The following FBXO40 variants were observed in gnomAD, a reference collection of about 807,000 sequenced individuals.
FBXO40 encodes the protein F-box only protein 40.
In FBXO40, 50 loss-of-function variants were observed where a neutral mutation model predicts 49.9. The observed-to-expected ratio is 1.00, with a 90% confidence interval of 0.80 to 1.27. The LOEUF is 1.27. Among genes scored for constraint, FBXO40 ranks in the 50% most tolerant of loss-of-function variants. FBXO40 has a pLI of 0.00. For missense variants in FBXO40, 895 were observed against 870.1 expected (o/e 1.03, Z -0.36); for synonymous variants, 340 against 320.2 (o/e 1.06, Z -0.66).
chr3:121,606,745 T>G (rs1463197944), intron 1 of FBXO40, among the ~76,000 whole-genome samples: 1 of 152,208 alleles, frequency 6.6e-6, no homozygotes, highest in Non-Finnish European at 1.5e-5. Flanking sequence ...GCAATAGAGA[T>G]AGCCAGGTCT....
At chr3:121,601,368 G>A (rs1024750321) in intron 1 of FBXO40, among the ~76,000 whole-genome samples, 19 of 151,968 alleles carry the variant, frequency 1.3e-4, no homozygotes, top group East Asian at 3.9e-4. Flanking sequence ...CTCATCGGGT[G>A]TAGCTCCAAA....
Position 121,626,838 on chromosome 3 carries a change from G to A in FBXO40, c.2058G>A (p.Gln686=), listed in dbSNP as rs2049064108. 1 of 1,614,102 alleles carries A rather than the reference G, an allele frequency of 6.2e-7. No homozygotes were observed. The highest frequency in any genetic ancestry group is 1.6e-4 in the Middle Eastern group (1 of 6,062). Residue 686 remains glutamine (Q), a synonymous_variant, in exon 4 of 4, where the codon CAG becomes CAA. Coordinates refer to ENST00000338040, the MANE Select transcript of FBXO40 (RefSeq NM_016298.4). The stretch of plus-strand genomic sequence containing the variant: ...CGATTCTTTTGACTAGCATGTGTCA[G>A]CCCCGTGAGCAGGCCCGAGAGAGCT... The part of the protein sequence containing the change: ...TDPILLTSMC[Q]PREQARESLV...
chr3:121,600,373 C>G (rs956239513), intron 1 of FBXO40, among the ~76,000 whole-genome samples: 2 of 151,490 alleles, frequency 1.3e-5, no homozygotes, highest in Non-Finnish European at 2.9e-5. Context: ...TACAACCTTC[C>G]CTTTCACAGT....
In FBXO40 at chr3:121,611,225, A is replaced by G. The variant is rs563881270; in HGVS notation, c.-30-9321A>G. ...GAAACAACAGTGGGCCCAGGGGACC[A>G]GCGCTTAGCATACCAAGGACCTGCA... is the stretch of plus-strand genomic sequence containing the variant. On this transcript the variant is annotated intron_variant, in intron 1 of 3. Coordinates refer to ENST00000338040, the MANE Select transcript of FBXO40 (RefSeq NM_016298.4). Among the ~76,000 whole-genome samples the G allele has an allele frequency of 1.0e-3, 155 of 152,370 alleles. 2 individuals carry two copies. The South Asian group carries it at 0.016, about 15-fold the overall frequency.
intron 1 of FBXO40, among the ~76,000 whole-genome samples, chr3:121,599,720 ATATATT>A (rs1212500336): frequency 7.8e-4 from 64 of 81,814 alleles, no homozygotes; most frequent in East Asian, 4.6e-3. Context: ...ATATATATAT[ATATATT>A]TTTTTTTTTT....
rs577969922 is a variant in FBXO40 at position 121,628,571 on chromosome 3, A to G, written c.*1661A>G. The G allele has an allele frequency of 1.4e-4, 21 of 152,218 alleles. No homozygotes were observed. The highest frequency in any genetic ancestry group is 2.2e-4 in the Non-Finnish European group (15 of 68,046). The allele number at this position is 152,218 out of a possible 1,614,324, so 9.4% of individuals were successfully genotyped here. On this transcript the variant is annotated 3_prime_UTR_variant, in exon 4 of 4. Coordinates refer to ENST00000338040, the MANE Select transcript of FBXO40 (RefSeq NM_016298.4). ...CAGTAGCACCCCCACAGTGGCAACA[A>G]TCAAAAATGTCACCAGACATTGCTA...
At position 121,629,127 on chromosome 3, in the gene FBXO40, CT is replaced by C. The variant is rs1479513548; in HGVS notation, c.*2218del. On this transcript the variant is annotated 3_prime_UTR_variant, in exon 4 of 4. Transcript: ENST00000338040. ...CTGGTGTAGATGAAGTAGGTGAAAC[CT>C]CTGAAAAGAGTCTAGAAGGCAGTAG... 1.3e-5 allele frequency: 2 copies of C among 151,838 alleles called. No individual in the cohort carries two copies. 9.4% of individuals were successfully genotyped at this position (151,838 alleles called of 1,614,324 possible). A position where few individuals can be genotyped will look rare whatever the true frequency, so the allele number is the denominator to read the frequency against.
intron 1 of FBXO40, among the ~76,000 whole-genome samples, chr3:121,597,055 C>T (rs1255242993): frequency 2.6e-5 from 4 of 152,262 alleles, no homozygotes; most frequent in South Asian, 2.1e-4. Context: ...GCACACACCT[C>T]GCTGGCGACA....
Position 121,628,353 on chromosome 3 carries a change from G to A in FBXO40, c.*1443G>A, listed in dbSNP as rs555897863. On this transcript the variant is annotated 3_prime_UTR_variant, in exon 4 of 4. Coordinates refer to ENST00000338040, the MANE Select transcript of FBXO40 (RefSeq NM_016298.4). Reference sequence around the variant, plus strand: ...AATTTTGTATTTTTAGTAGAGACGGGCTTTCTCCATGTTGTTCAGGCTGGT... The same window carrying A: ...AATTTTGTATTTTTAGTAGAGACGGACTTTCTCCATGTTGTTCAGGCTGGT... The A allele has an allele frequency of 5.2e-4, 79 of 152,668 alleles. No homozygotes were observed. Among genetic ancestry groups the A allele is most frequent in the Non-Finnish European group, 1.0e-3 (69 of 68,320 alleles). 9.5% of individuals were successfully genotyped at this position (152,668 alleles called of 1,614,324 possible).
intron 1 of FBXO40, among the ~76,000 whole-genome samples, chr3:121,612,739 T>A (rs1287236039): frequency 6.6e-6 from 1 of 151,920 alleles, no homozygotes; most frequent in Admixed American, 6.6e-5. Flanking sequence ...ACCTTTCTGG[T>A]CCTCTCAAAG....
intron 1 of FBXO40, among the ~76,000 whole-genome samples, chr3:121,601,302 G>T (rs1052435147): frequency 6.6e-6 from 1 of 151,982 alleles, no homozygotes; most frequent in Admixed American, 6.6e-5. Flanking sequence ...AACTTCTCTG[G>T]AGTGGTCTCC....
chr3:121,602,305 A>G (rs2108844872), intron 1 of FBXO40, among the ~76,000 whole-genome samples: 1 of 152,168 alleles, frequency 6.6e-6, no homozygotes, highest in Admixed American at 6.5e-5. Context: ...ACAAATCTGC[A>G]TCTCCACATT....
intron 1 of FBXO40, among the ~76,000 whole-genome samples, chr3:121,598,981 C>A (rs973584444): frequency 6.6e-6 from 1 of 152,172 alleles, no homozygotes; most frequent in Non-Finnish European, 1.5e-5. Flanking sequence ...ATTTAAACTA[C>A]GTCCAGCACA....
intron 1 of FBXO40, among the ~76,000 whole-genome samples, chr3:121,619,928 T>A (rs908888198): frequency 2.0e-5 from 3 of 152,166 alleles, no homozygotes; most frequent in African/African-American, 7.2e-5. Flanking sequence ...GGCTGAGAAA[T>A]TTCATTTCCC....
intron 1 of FBXO40, among the ~76,000 whole-genome samples, chr3:121,599,880 G>A (rs2108844204): frequency 6.6e-6 from 1 of 151,272 alleles, no homozygotes; most frequent in South Asian, 2.1e-4. Context: ...GCACTATCAT[G>A]CCTGGATAAT....
At chr3:121,615,623 A>C (rs910255194) in intron 1 of FBXO40, among the ~76,000 whole-genome samples, 2 of 152,128 alleles carry the variant, frequency 1.3e-5, no homozygotes, top group African/African-American at 4.8e-5. Flanking sequence ...ATAAGGAGCT[A>C]AATTAAACTT....
chr3:121,606,582 C>G (rs1187467205), intron 1 of FBXO40, among the ~76,000 whole-genome samples: 2 of 152,200 alleles, frequency 1.3e-5, no homozygotes. Context: ...GCATTTTGCA[C>G]TTGTCCTAGA....
At chr3:121,599,934 A>C (rs899658737) in intron 1 of FBXO40, among the ~76,000 whole-genome samples, 1 of 151,322 alleles carries the variant, frequency 6.6e-6, no homozygotes, top group Non-Finnish European at 1.5e-5. Context: ...TGCTGACCAA[A>C]CTGGTCTCAA....
chr3:121,622,887 T>C lies in FBXO40; in HGVS notation c.1458T>C (p.Asp486=). Reference sequence around the variant, plus strand: ...CTTGCAACAAATTCTTCAGGAGGGATGAGTTCCCCCTGCACTTCAAGAATG... The same window carrying C: ...CTTGCAACAAATTCTTCAGGAGGGACGAGTTCCCCCTGCACTTCAAGAATG... ...TFTCNKFFRR[D]EFPLHFKNVH... The change falls in exon 3 of 4, where the codon GAT becomes GAC. Residue 486 remains aspartate, a synonymous_variant. Coordinates refer to ENST00000338040, the MANE Select transcript of FBXO40 (RefSeq NM_016298.4). The C allele has an allele frequency of 6.2e-7, 1 of 1,614,156 alleles. No homozygotes were observed. The highest frequency in any genetic ancestry group is 8.5e-7 in the Non-Finnish European group (1 of 1,180,006).
Sources: gnomAD v4.1 joint callset for allele counts (sites outside exome capture counted in the v4.1 genomes callset) on GRCh38, gnomAD v4.1.1 for gene constraint, MANE v1.5 for transcripts, NCBI Gene and HGNC (gene_info 2026-07-23, HGNC 2026-07-21) for gene names.